The following GARIN1A variants were observed in gnomAD, a reference collection of about 807,000 sequenced individuals.
The protein encoded by GARIN1A is Golgi-associated RAB2 interactor protein 1A.
At chr7:128,685,271 C>T in the GARIN1A span, 3 of 152,286 alleles carry the variant, frequency 2.0e-5, no homozygotes, top group South Asian at 2.1e-4. Context: ...CTGCGTTTGA[C>T]GCTAAGTATA....
At chr7:128,704,051 G>A in the GARIN1A span, among the ~76,000 whole-genome samples, 1 of 152,188 alleles carries the variant, frequency 6.6e-6, no homozygotes, top group African/African-American at 2.4e-5. Flanking sequence ...GAATCTAACT[G>A]TACTGTATTG....
At chr7:128,671,938 G>A in the GARIN1A span, among the ~76,000 whole-genome samples, 2 of 152,102 alleles carry the variant, frequency 1.3e-5, no homozygotes, top group Non-Finnish European at 2.9e-5. Context: ...AGGTGAACAA[G>A]TCCCATGGAA....
chr7:128,687,330 G>A, the GARIN1A span: 1 of 152,212 alleles, frequency 6.6e-6, no homozygotes, highest in Non-Finnish European at 1.5e-5. Context: ...AGTAAGAGAA[G>A]CTGACTCTAA....
the GARIN1A span, chr7:128,677,467 A>T: frequency 7.5e-7 from 1 of 1,331,464 alleles, no homozygotes; most frequent in East Asian, 2.6e-5. Context: ...AGATCGCGCC[A>T]CTGCACTCTA....
At chr7:128,681,348 A>G in the GARIN1A span, among the ~76,000 whole-genome samples, 1 of 151,996 alleles carries the variant, frequency 6.6e-6, no homozygotes, top group South Asian at 2.1e-4. Flanking sequence ...GTTTCCTAAT[A>G]TTTAAAGCTA....
the GARIN1A span, among the ~76,000 whole-genome samples, chr7:128,673,385 C>G: frequency 3.3e-5 from 5 of 152,132 alleles, no homozygotes; most frequent in African/African-American, 1.2e-4. Flanking sequence ...GGCATTCTCT[C>G]TGGACTTTGG....
the GARIN1A span, among the ~76,000 whole-genome samples, chr7:128,704,433 T>C: frequency 6.6e-6 from 1 of 151,808 alleles, no homozygotes; most frequent in Non-Finnish European, 1.5e-5. Context: ...GCCTCCCAAG[T>C]AGCTGGGATT....
chr7:128,682,212 G>T, the GARIN1A span, among the ~76,000 whole-genome samples: 1 of 152,144 alleles, frequency 6.6e-6, no homozygotes, highest in African/African-American at 2.4e-5. Flanking sequence ...TCTTTACAAA[G>T]GACTCTCTCC....
chr7:128,683,704 G>C, the GARIN1A span: 1 of 152,376 alleles, frequency 6.6e-6, no homozygotes, highest in East Asian at 1.9e-4. Context: ...CTGAGCTCAG[G>C]CCATCCAGTC....
the GARIN1A span, chr7:128,687,715 TTGGTTAC>T: frequency 6.6e-6 from 1 of 152,178 alleles, no homozygotes; most frequent in East Asian, 1.9e-4. Context: ...GGAGACAGGT[TTGGTTAC>T]TGTTTGTTGT....
At chr7:128,675,641 C>T in the GARIN1A span, 1 of 1,610,534 alleles carries the variant, frequency 6.2e-7, no homozygotes, top group Non-Finnish European at 8.5e-7. Context: ...TTTTCTGCTC[C>T]TTTCTGACCC....
At chr7:128,677,640 G>A in the GARIN1A span, 13 of 1,613,636 alleles carry the variant, frequency 8.1e-6, no homozygotes, top group Admixed American at 1.3e-4. Context: ...GACAGTGACC[G>A]AAAAGATCTA....
the GARIN1A span, among the ~76,000 whole-genome samples, chr7:128,702,051 T>C: frequency 6.6e-6 from 1 of 152,170 alleles, no homozygotes; most frequent in Non-Finnish European, 1.5e-5. Flanking sequence ...CAAAATTCTA[T>C]ACTCAGTGAA....
chr7:128,694,210 T>G, the GARIN1A span, among the ~76,000 whole-genome samples: 4 of 152,210 alleles, frequency 2.6e-5, no homozygotes, highest in Admixed American at 6.5e-5. Context: ...ATTGTTAGCT[T>G]CTTGTGTTGG....
At chr7:128,707,664 G>A in the GARIN1A span, among the ~76,000 whole-genome samples, 1 of 152,032 alleles carries the variant, frequency 6.6e-6, no homozygotes, top group Non-Finnish European at 1.5e-5. Flanking sequence ...TGTTGCCCAG[G>A]CTAGTCTTGA....
the GARIN1A span, among the ~76,000 whole-genome samples, chr7:128,676,018 TC>T: frequency 0.065 from 7,780 of 118,854 alleles, 251 homozygotes; most frequent in Middle Eastern, 0.13. Context: ...TTATTTAGTA[TC>T]TTTTTTTTTT....
the GARIN1A span, chr7:128,697,409 G>C: frequency 1.3e-5 from 2 of 152,426 alleles, no homozygotes; most frequent in African/African-American, 4.8e-5. Flanking sequence ...GCGTGGCTGG[G>C]CGGGGTTCTT....
the GARIN1A span, among the ~76,000 whole-genome samples, chr7:128,688,950 G>T: frequency 6.6e-6 from 1 of 151,260 alleles, no homozygotes; most frequent in Non-Finnish European, 1.5e-5. Flanking sequence ...GCAGGCGCGC[G>T]CCACCACGCC....
At chr7:128,708,044 A>G in the GARIN1A span, among the ~76,000 whole-genome samples, 1 of 143,834 alleles carries the variant, frequency 7.0e-6, no homozygotes, top group Non-Finnish European at 1.5e-5. Context: ...TCTTTCCAGG[A>G]TCTCTGTGGC....
Sources: allele counts gnomAD v4.1 joint callset (sites outside exome capture counted in the v4.1 genomes callset), GRCh38; gene constraint gnomAD v4.1.1; transcripts MANE v1.5; gene names NCBI Gene and HGNC (gene_info 2026-07-23, HGNC 2026-07-21).